Variants in SORCS3 observed in about 807,000 individuals in gnomAD.
SORCS3 encodes the protein sortilin related VPS10 domain containing receptor 3.
Under a neutral mutation model 146.3 loss-of-function variants are expected in SORCS3, and 57 were observed. The observed-to-expected ratio is 0.39, with a 90% CI of 0.31 to 0.49. The LOEUF is 0.49. Among genes scored for constraint, SORCS3 ranks in the 20% least tolerant of loss-of-function variants. The probability of loss-of-function intolerance (pLI) is 0.92; values close to 1 mark genes in which losing one functional copy is unlikely to be tolerated. For synonymous variants in SORCS3, 653 were observed against 618.5 expected (o/e 1.06, Z -0.83); for missense variants, 1,341 against 1,575.5 (o/e 0.85, Z 2.52).
At chr10:105,061,381 G>T (rs995415430) in intron 5 of SORCS3, among the ~76,000 whole-genome samples, 10 of 144,990 alleles carry the variant, frequency 6.9e-5, no homozygotes, top group Non-Finnish European at 6.0e-5. Flanking sequence ...TACAAGCTCC[G>T]CCTCCCAGGT....
At chr10:104,750,280 C>G (rs2016968796) in intron 1 of SORCS3, among the ~76,000 whole-genome samples, 1 of 152,026 alleles carries the variant, frequency 6.6e-6, no homozygotes, top group Admixed American at 6.5e-5. Flanking sequence ...GTAAGGGTCA[C>G]AGACTTATTA....
Position 104,641,863 on chromosome 10 carries a change from A to C in SORCS3, c.536A>C (p.Glu179Ala). 6.3e-7 allele frequency: 1 copy of C among 1,580,626 alleles called. No homozygotes were observed. Among genetic ancestry groups the C allele is most frequent in the Non-Finnish European group, 8.6e-7 (1 of 1,167,188 alleles). ...CCGCGGGCTGGGGGGTCGGCGGCTG[A>C]AGACCTCCGGCTGCCCAGCACCTCC... is the stretch of plus-strand genomic sequence containing the variant. ...KAPRAGGSAA[E>A]DLRLPSTSFA... Residue 179 changes from glutamate to alanine, a missense_variant, in exon 1 of 27, where the codon GAA becomes GCA. By Grantham distance (107) the Glu-to-Ala change is moderately radical. Transcript: ENST00000369701. The surrounding 1 kb of genome is among the most constrained non-coding windows in gnomAD (Gnocchi z 6.4).
At chr10:105,170,768 C>T (rs1358532930) in intron 13 of SORCS3, among the ~76,000 whole-genome samples, 2 of 152,170 alleles carry the variant, frequency 1.3e-5, no homozygotes, top group Non-Finnish European at 1.5e-5. Flanking sequence ...CCTTTGCACT[C>T]CTCTTTCAAA....
intron 14 of SORCS3, among the ~76,000 whole-genome samples, chr10:105,182,854 T>C (rs2056451372): frequency 1.3e-5 from 2 of 151,832 alleles, no homozygotes. Flanking sequence ...AGGTGCTTGC[T>C]ACCATTCCCG....
chr10:104,720,148 C>T (rs1206523704), intron 1 of SORCS3, among the ~76,000 whole-genome samples: 1 of 151,974 alleles, frequency 6.6e-6, no homozygotes, highest in Non-Finnish European at 1.5e-5. Context: ...CACAACAGGC[C>T]CCAGTGTGTC....
intron 4 of SORCS3, among the ~76,000 whole-genome samples, chr10:105,032,945 T>A (rs1312311752): frequency 6.6e-6 from 1 of 152,176 alleles, no homozygotes; most frequent in African/African-American, 2.4e-5. Context: ...GAGTATCAGT[T>A]TTTGTTCAAA....
At chr10:104,982,365 T>C (rs1001633325) in intron 4 of SORCS3, among the ~76,000 whole-genome samples, 1 of 152,164 alleles carries the variant, frequency 6.6e-6, no homozygotes, top group Non-Finnish European at 1.5e-5. Context: ...TTTAAAACCC[T>C]CAGATTAAAA....
At chr10:105,031,222 C>G (rs552788687) in intron 4 of SORCS3, among the ~76,000 whole-genome samples, 2 of 151,662 alleles carry the variant, frequency 1.3e-5, no homozygotes, top group Admixed American at 1.3e-4. Context: ...TTGCTTGAAC[C>G]CAGGAGTTGG....
intron 4 of SORCS3, among the ~76,000 whole-genome samples, chr10:105,036,421 C>T (rs2055307132): frequency 6.6e-6 from 1 of 152,150 alleles, no homozygotes; most frequent in African/African-American, 2.4e-5. Context: ...ACCTTTGTAT[C>T]ACCACACTTT....
At chr10:105,238,217 T>A (rs187395410) in intron 20 of SORCS3, among the ~76,000 whole-genome samples, 1 of 152,224 alleles carries the variant, frequency 6.6e-6, no homozygotes, top group Non-Finnish European at 1.5e-5. Flanking sequence ...GGATCTTTTT[T>A]AAGAGCCTGT....
chr10:104,793,923 G>A (rs767651809), intron 1 of SORCS3, among the ~76,000 whole-genome samples: 1 of 152,186 alleles, frequency 6.6e-6, no homozygotes, highest in Non-Finnish European at 1.5e-5. Context: ...TCTCAGGAAT[G>A]GAATGGGGTG....
At chr10:104,889,103 A>G (rs1449968994) in intron 2 of SORCS3, among the ~76,000 whole-genome samples, 3 of 152,036 alleles carry the variant, frequency 2.0e-5, no homozygotes, top group Non-Finnish European at 4.4e-5. Flanking sequence ...TGGTATTCAT[A>G]TAGCTACTTA....
intron 5 of SORCS3, among the ~76,000 whole-genome samples, chr10:105,081,254 C>T (rs557918433): frequency 1.5e-4 from 23 of 152,132 alleles, no homozygotes; most frequent in African/African-American, 4.8e-4. Context: ...GTTTTTAATT[C>T]CTGGGGAAGT....
At chr10:104,837,954 T>C (rs1292007451) in intron 1 of SORCS3, among the ~76,000 whole-genome samples, 8 of 152,220 alleles carry the variant, frequency 5.3e-5, no homozygotes, top group Admixed American at 2.6e-4. Flanking sequence ...TTCTGTCTCT[T>C]GCTGGTTGTG....
At position 104,732,386 on chromosome 10, in the gene SORCS3, T is replaced by C. The variant is rs2016716098; in HGVS notation, c.627+90432T>C. On this transcript the variant is annotated intron_variant, in intron 1 of 26. Coordinates refer to ENST00000369701, the MANE Select transcript of SORCS3 (RefSeq NM_014978.3). ...TGTTCTCTGTTGTCTTTGAACACGA[T>C]GTTCCTAAACCGTAGTGCTTGCATT... 5.3e-5 allele frequency among the ~76,000 whole-genome samples: 8 copies of C among 152,360 alleles called. No individual in the cohort carries two copies. The South Asian group carries it at 1.7e-3, about 32-fold the overall frequency.
intron 1 of SORCS3, 102 bp downstream of exon 1, chr10:104,642,056 C>A (rs1185731971): frequency 7.5e-7 from 1 of 1,326,052 alleles, no homozygotes; most frequent in Non-Finnish European, 1.0e-6. Flanking sequence ...GGGGTCGAGG[C>A]GGGGGACGCC....
intron 9 of SORCS3, among the ~76,000 whole-genome samples, chr10:105,152,135 C>T (rs1161065305): frequency 6.6e-6 from 1 of 152,156 alleles, no homozygotes; most frequent in Admixed American, 6.5e-5. Context: ...GCAGCATTCT[C>T]TGAGCTGCCG....
chr10:104,906,804 A>T (rs2018909152), intron 2 of SORCS3, among the ~76,000 whole-genome samples: 1 of 152,154 alleles, frequency 6.6e-6, no homozygotes, highest in Non-Finnish European at 1.5e-5. Flanking sequence ...TTATTGCTAT[A>T]ATTTTTAACT....
intron 2 of SORCS3, among the ~76,000 whole-genome samples, chr10:104,888,998 G>T (rs1029467900): frequency 5.3e-5 from 8 of 152,114 alleles, no homozygotes; most frequent in Non-Finnish European, 1.0e-4. Context: ...CATTAGGATT[G>T]TTATGTCTTC....
Sources: allele counts gnomAD v4.1 joint callset (sites outside exome capture counted in the v4.1 genomes callset), GRCh38; gene constraint gnomAD v4.1.1; non-coding constraint Gnocchi (gnomAD v3.1); transcripts MANE v1.5; gene names NCBI Gene and HGNC (gene_info 2026-07-23, HGNC 2026-07-21).